Variants in CKB observed in about 807,000 individuals in gnomAD.
The protein encoded by CKB is creatine kinase B.
Under a neutral mutation model 36.9 loss-of-function variants are expected in CKB, and 15 were observed. That is an observed-to-expected ratio of 0.41 (90% CI 0.27 to 0.63). CKB has a LOEUF of 0.63. Among genes scored for constraint, CKB ranks in the 20% least tolerant of loss-of-function variants. The pLI is 0.34. For missense variants in CKB, 413 were observed against 534.9 expected (o/e 0.77, Z 2.25); for synonymous variants, 250 against 228.2 (o/e 1.10, Z -0.86).
At chr14:103,520,352 GA>G in intron 6 of CKB, 41 bp from the exon 7 acceptor site, 2 of 1,588,560 alleles carry the variant, frequency 1.3e-6, no homozygotes. Context: ...AGGCCTGCCT[GA>G]AACCCCTACA....
In CKB at chr14:103,522,555, G is replaced by C. The variant is rs2075912362; in HGVS notation, c.-12-50C>G. 3.8e-6 allele frequency: 4 copies of C among 1,041,602 alleles called. No homozygotes were observed. Among genetic ancestry groups the C allele is most frequent in the Admixed American group, 3.5e-5 (1 of 28,604 alleles). 64.5% of individuals were successfully genotyped at this position (1,041,602 alleles called of 1,614,324 possible). On this transcript the variant is annotated intron_variant, in intron 1 of 7. Transcript: ENST00000348956. The surrounding 1 kb of genome is among the most constrained non-coding windows in gnomAD (Gnocchi z 6.7). Reference sequence around the variant, plus strand: ...GGGACCGGCACGCCGGGGTTCCCGGGCTCCCGCGTACCACTCAGGCCCCCG... The same window carrying C: ...GGGACCGGCACGCCGGGGTTCCCGGCCTCCCGCGTACCACTCAGGCCCCCG...
chr14:103,521,695 G>T (rs1214484026), intron 4 of CKB, 123 bp downstream of exon 4: 2 of 1,160,906 alleles, frequency 1.7e-6, no homozygotes, highest in South Asian at 4.5e-5. Context: ...ACTGAACCCG[G>T]GCGCGCGCAG....
rs550919532 is a variant in CKB at position 103,521,736 on chromosome 14, G to A, written c.481+82C>T. 1,116 of 1,295,128 alleles carry A rather than the reference G, an allele frequency of 8.6e-4. 10 individuals carry two copies. The African/African-American group carries it at 0.016, about 18-fold the overall frequency. The allele number at this position is 1,295,128 out of a possible 1,614,324, so 80.2% of individuals were successfully genotyped here. A position where few individuals can be genotyped will look rare whatever the true frequency, so the allele number is the denominator to read the frequency against. On this transcript the variant is annotated intron_variant, in intron 4 of 7. Coordinates refer to ENST00000348956, the MANE Select transcript of CKB (RefSeq NM_001823.5). ...AGCGCGACGGCGGCTGCCGCTCCCGGGCGACGTAAACAAAAGCGGGCGGGG... is the reference window on the plus strand; with the variant it reads ...AGCGCGACGGCGGCTGCCGCTCCCGAGCGACGTAAACAAAAGCGGGCGGGG...
intron 4 of CKB, 96 bp downstream of exon 4, chr14:103,521,722 G>T (rs2075902552): frequency 1.9e-5 from 24 of 1,261,680 alleles, no homozygotes; most frequent in Non-Finnish European, 2.4e-5. Context: ...GCGCGACGGC[G>T]GCTGCCGCTC....
At position 103,522,097 on chromosome 14, in the gene CKB, T is replaced by C; in HGVS notation, c.274A>G (p.Ile92Val). 1 of 1,580,468 alleles carries C rather than the reference T, an allele frequency of 6.3e-7. No homozygotes were observed. Among genetic ancestry groups the C allele is most frequent in the Non-Finnish European group, 8.6e-7 (1 of 1,163,964 alleles). The change falls in exon 3 of 8, where the codon ATC becomes GTC. Residue 92 changes from isoleucine (I) to valine (V), a missense_variant. By Grantham distance (29) the Ile-to-Val change is conservative. Transcript: ENST00000348956. This position sits in a 1 kb window ranked among gnomAD's most constrained non-coding sequence, Gnocchi z 6.7. ...TAGCCGCCGTGCCGGTCCTCGATGA[T>C]GGGGTCGAAGAGATCCTTGAACACT... is the stretch of plus-strand genomic sequence containing the variant. ...YEVFKDLFDP[I>V]IEDRHGGYKP...
At chr14:103,520,633 C>A in intron 5 of CKB, 41 bp from the exon 6 acceptor site, 1 of 1,581,710 alleles carries the variant, frequency 6.3e-7, no homozygotes, top group Non-Finnish European at 8.6e-7. Context: ...AGAAAAAAGC[C>A]CCAGGCCGCC....
In CKB at chr14:103,522,237, T is replaced by C; in HGVS notation, c.194-60A>G. 1 of 1,554,252 alleles carries C rather than the reference T, an allele frequency of 6.4e-7. No individual in the cohort carries two copies. Among genetic ancestry groups the C allele is most frequent in the Non-Finnish European group, 8.7e-7 (1 of 1,150,244 alleles). ...TCACTGCCGGGCCCGAGCGCGCTGCTGAGGACCCTGCGGCTGCGCGGGGGG... is the reference window on the plus strand; with the variant it reads ...TCACTGCCGGGCCCGAGCGCGCTGCCGAGGACCCTGCGGCTGCGCGGGGGG... On this transcript the variant is annotated intron_variant, in intron 2 of 7. Transcript: ENST00000348956. This position sits in a 1 kb window ranked among gnomAD's most constrained non-coding sequence, Gnocchi z 6.7.
At chr14:103,521,759 G>A (rs1487798570) in intron 4 of CKB, 59 bp downstream of exon 4, 2 of 1,337,016 alleles carry the variant, frequency 1.5e-6, no homozygotes, top group Non-Finnish European at 1.9e-6. Context: ...AAAGCGGGCG[G>A]GGACCGCGCC....
chr14:103,521,188 CGCGAGGGGG>C, intron 5 of CKB, 66 bp downstream of exon 5: 2 of 1,508,178 alleles, frequency 1.3e-6, no homozygotes, highest in Non-Finnish European at 1.8e-6. Flanking sequence ...GCCCCACCCC[CGCGAGGGGG>C]GCGAGAGGGA....
Position 103,521,875 on chromosome 14 carries a change from G to A in CKB, c.424C>T (p.Leu142Phe). 2 of 1,563,970 alleles carry A rather than the reference G, an allele frequency of 1.3e-6. No individual in the cohort carries two copies. Among genetic ancestry groups the A allele is most frequent in the Non-Finnish European group, 1.7e-6 (2 of 1,165,198 alleles). Reference protein sequence around the residue: ...RTGRSIRGFCLPPHCSRGERR... With the variant: ...RTGRSIRGFCFPPHCSRGERR... ...TCCCCGCGGCTGCAGTGCGGGGGGAGGCAGAAGCCACGGATGCTGCGGCCC... is the reference window on the plus strand; with the variant it reads ...TCCCCGCGGCTGCAGTGCGGGGGGAAGCAGAAGCCACGGATGCTGCGGCCC... Residue 142 changes from leucine (L) to phenylalanine (F), a missense_variant, in exon 4 of 8, where the codon CTC becomes TTC. Coordinates refer to ENST00000348956, the MANE Select transcript of CKB (RefSeq NM_001823.5).
rs2075889681 is a variant in CKB at position 103,520,112 on chromosome 14, C to T, written c.967+10G>A. On this transcript the variant is annotated intron_variant, in intron 7 of 7. Coordinates refer to ENST00000348956, the MANE Select transcript of CKB (RefSeq NM_001823.5). ...AGGCCACGGGAAGCCGCAGCACCTGCCCTGCTCACCTGTGCCTCGCTTCTG... is the reference window on the plus strand; with the variant it reads ...AGGCCACGGGAAGCCGCAGCACCTGTCCTGCTCACCTGTGCCTCGCTTCTG... 4 of 1,602,514 alleles carry T rather than the reference C, an allele frequency of 2.5e-6. No individual in the cohort carries two copies. Among genetic ancestry groups the T allele is most frequent in the Non-Finnish European group, 3.4e-6 (4 of 1,173,934 alleles).
chr14:103,521,559 G>A (rs983535914), intron 4 of CKB, 125 bp from the exon 5 acceptor site: 2 of 1,045,272 alleles, frequency 1.9e-6, no homozygotes, highest in Non-Finnish European at 2.6e-6. Flanking sequence ...CGGATCTGCG[G>A]GCGTCCAGTC....
Position 103,520,540 on chromosome 14 carries a change from G to A in CKB, c.706C>T (p.Arg236Trp). Residue 236 changes from arginine (R) to tryptophan (W), a missense_variant, in exon 6 of 8, where the codon CGG becomes TGG. Around this residue, in one of 3 missense-constraint regions of CKB, gnomAD observed 314 missense variants for 409.4 expected, o/e 0.77. Coordinates refer to ENST00000348956, the MANE Select transcript of CKB (RefSeq NM_001823.5). ...CCCCCCTTCTGCATGGAGATGACCCGCAGGTGGTCCTCCTCGTTGACCCAC... is the reference window on the plus strand; with the variant it reads ...CCCCCCTTCTGCATGGAGATGACCCACAGGTGGTCCTCCTCGTTGACCCAC... ...LVWVNEEDHL[R>W]VISMQKGGNM... is the part of the protein sequence containing the mutation. 1 of 1,612,754 alleles carries A rather than the reference G, an allele frequency of 6.2e-7. No homozygotes were observed. Among genetic ancestry groups the A allele is most frequent in the Non-Finnish European group, 8.5e-7 (1 of 1,179,586 alleles).
Position 103,522,370 on chromosome 14 carries a change from G to A in CKB, c.124C>T (p.Leu42=). ...CCGCTCGGCGTGCTCTTGGCGCGCA[G>A]CTCCGCGTACAGCTCGGGGGTCAGC... ...KVLTPELYAE[L]RAKSTPSGFT... Residue 42 remains leucine (L), a synonymous_variant, in exon 2 of 8, where the codon CTG becomes TTG. Coordinates refer to ENST00000348956, the MANE Select transcript of CKB (RefSeq NM_001823.5). This position sits in a 1 kb window ranked among gnomAD's most constrained non-coding sequence, Gnocchi z 6.7. 1 of 1,611,722 alleles carries A rather than the reference G, an allele frequency of 6.2e-7. No homozygotes were observed. The highest frequency in any genetic ancestry group is 1.1e-5 in the South Asian group (1 of 91,040).
chr14:103,520,055 CA>C lies in CKB; in HGVS notation c.968-14del, dbSNP rs780531341. 4 of 1,608,664 alleles carry C rather than the reference CA, an allele frequency of 2.5e-6. No homozygotes were observed. The highest frequency in any genetic ancestry group is 2.5e-6 in the Non-Finnish European group (3 of 1,178,988). On this transcript the variant is annotated splice_polypyrimidine_tract_variant and intron_variant, in intron 7 of 7. Transcript: ENST00000348956. ...GTGTCCACACCGCCTGGGGAGACAG[CA>C]AGTCAGGGCGGAGGAAACAGGGCTG...
At position 103,522,422 on chromosome 14, in the gene CKB, G is replaced by A. The variant is rs760679313; in HGVS notation, c.72C>T (p.Ser24=). The A allele has an allele frequency of 3.7e-6, 6 of 1,610,158 alleles. No individual in the cohort carries two copies. Among genetic ancestry groups the A allele is most frequent in the African/African-American group, 2.7e-5 (2 of 74,344 alleles). ...CCTTGGCCATGTGGTTGTTGTGGGC[G>A]CTCAGGTCGGGGAACTCGTCCTCGG... is the stretch of plus-strand genomic sequence containing the variant. ...FPAEDEFPDL[S]AHNNHMAKVL... Residue 24 remains serine (S), a synonymous_variant, in exon 2 of 8, where the codon AGC becomes AGT. Transcript: ENST00000348956. The surrounding 1 kb of genome is among the most constrained non-coding windows in gnomAD (Gnocchi z 6.7).
In CKB at chr14:103,520,330, G is replaced by A. The variant is rs763737882; in HGVS notation, c.778-19C>T. ...TTTCAATCTGCAGACGGAGAAGAGG[G>A]TATGAGGGAGAAGGCCTGCCTGAAA... On this transcript the variant is annotated intron_variant, in intron 6 of 7. Transcript: ENST00000348956. 4 of 1,596,274 alleles carry A rather than the reference G, an allele frequency of 2.5e-6. No homozygotes were observed. Among genetic ancestry groups the A allele is most frequent in the African/African-American group, 1.3e-5 (1 of 74,636 alleles).
At position 103,520,753 on chromosome 14, in the gene CKB, C is replaced by CGG. The variant is rs1170522148; in HGVS notation, c.654-163_654-162dup. On this transcript the variant is annotated intron_variant, in intron 5 of 7. Transcript: ENST00000348956. ...GCCAACACGGGGCGGGCGGGGGAAC[C>CGG]GGGACGCCTCACAGCAGGAGAACCC... The CGG allele has an allele frequency of 1.1e-5, 11 of 1,009,752 alleles. No individual in the cohort carries two copies. In the Admixed American group the frequency reaches 1.5e-4, roughly 14 times the overall value. 62.5% of individuals were successfully genotyped at this position (1,009,752 alleles called of 1,614,324 possible). A position where few individuals can be genotyped will look rare whatever the true frequency, so the allele number is the denominator to read the frequency against.
In CKB at chr14:103,521,250, G is replaced by T. The variant is rs753223914; in HGVS notation, c.653+13C>A. On this transcript the variant is annotated intron_variant, in intron 5 of 7. Coordinates refer to ENST00000348956, the MANE Select transcript of CKB (RefSeq NM_001823.5). Reference sequence around the variant, plus strand: ...AGGGAGGACGCCGCGAGAGGGCGCAGAGGGACACGCACCAGATACCGCGGG... The same window carrying T: ...AGGGAGGACGCCGCGAGAGGGCGCATAGGGACACGCACCAGATACCGCGGG... 18 of 1,581,648 alleles carry T rather than the reference G, an allele frequency of 1.1e-5. No individual in the cohort carries two copies. Among genetic ancestry groups the T allele is most frequent in the Non-Finnish European group, 1.5e-5 (18 of 1,168,884 alleles).
Sources: allele counts gnomAD v4.1 joint callset, GRCh38; gene constraint gnomAD v4.1.1; regional missense constraint gnomAD v4.1.1; non-coding constraint Gnocchi (gnomAD v3.1); transcripts MANE v1.5; gene names NCBI Gene and HGNC (gene_info 2026-07-23, HGNC 2026-07-21).